The following TENM4 variants were observed in gnomAD, a reference collection of about 807,000 sequenced individuals.
TENM4 encodes teneurin transmembrane protein 4, also known as teneurin-4.
Under a neutral mutation model 243.3 loss-of-function variants are expected in TENM4, and 82 were observed. The ratio of observed to expected loss-of-function variants is 0.34; its 90% CI spans 0.28 to 0.40. The LOEUF is 0.40. Among genes scored for constraint, TENM4 ranks in the 10% least tolerant of loss-of-function variants. TENM4 has a pLI of 1.00. For synonymous variants in TENM4, 1,412 were observed against 1,456.3 expected (o/e 0.97, Z 0.69); for missense variants, 3,138 against 3,673.3 (o/e 0.85, Z 3.77).
At chr11:79,361,262 C>T (rs770965542) in intron 1 of TENM4, among the ~76,000 whole-genome samples, 2 of 152,172 alleles carry the variant, frequency 1.3e-5, no homozygotes, top group African/African-American at 2.4e-5. Flanking sequence ...ATCCTTTGTG[C>T]TTATTGCAGT....
intron 6 of TENM4, among the ~76,000 whole-genome samples, chr11:78,979,798 C>T (rs891082606): frequency 2.6e-5 from 4 of 152,130 alleles, no homozygotes; most frequent in African/African-American, 9.7e-5. Context: ...CAGGGTCTGT[C>T]CCGACTCCCT....
intron 1 of TENM4, among the ~76,000 whole-genome samples, chr11:79,424,434 T>C (rs141323038): frequency 2.7e-4 from 41 of 152,246 alleles, no homozygotes; most frequent in Non-Finnish European, 5.0e-4. Context: ...AAACCTAGTC[T>C]CTACAAAACA....
At chr11:78,698,372 G>A (rs987413509) in intron 28 of TENM4, among the ~76,000 whole-genome samples, 1 of 151,820 alleles carries the variant, frequency 6.6e-6, no homozygotes, top group African/African-American at 2.4e-5. Flanking sequence ...GGGCAACAGA[G>A]CGAGACTCCA....
intron 28 of TENM4, among the ~76,000 whole-genome samples, chr11:78,693,715 CAT>C (rs1161320185): frequency 6.6e-6 from 1 of 152,122 alleles, no homozygotes; most frequent in African/African-American, 2.4e-5. Flanking sequence ...AAAGAAAACA[CAT>C]AAAACATTCA....
intron 3 of TENM4, among the ~76,000 whole-genome samples, chr11:79,159,254 G>C (rs375780212): frequency 6.6e-6 from 1 of 152,006 alleles, no homozygotes; most frequent in African/African-American, 2.4e-5. Flanking sequence ...TAGTCTACCC[G>C]GACTGCTGTG....
chr11:79,100,788 T>C (rs1861210462), intron 4 of TENM4, among the ~76,000 whole-genome samples: 1 of 152,098 alleles, frequency 6.6e-6, no homozygotes, highest in African/African-American at 2.4e-5. Context: ...CCCCTCCCTC[T>C]CTCCTCCCAA....
intron 12 of TENM4, among the ~76,000 whole-genome samples, chr11:78,821,109 T>A (rs888346105): frequency 6.6e-6 from 1 of 152,242 alleles, no homozygotes; most frequent in Non-Finnish European, 1.5e-5. Context: ...AACATTTGAA[T>A]TGGAAGATCT....
intron 12 of TENM4, among the ~76,000 whole-genome samples, chr11:78,833,442 A>G (rs1378877666): frequency 6.6e-6 from 1 of 152,148 alleles, no homozygotes; most frequent in Non-Finnish European, 1.5e-5. Flanking sequence ...TTCTATTAAT[A>G]CCTCCACCCA....
intron 1 of TENM4, among the ~76,000 whole-genome samples, chr11:79,352,613 C>T (rs1428683529): frequency 6.6e-6 from 1 of 152,170 alleles, no homozygotes; most frequent in Non-Finnish European, 1.5e-5. Flanking sequence ...GGGACATTCC[C>T]AACAGACAGG....
At chr11:79,233,091 C>T (rs1159221355) in intron 2 of TENM4, among the ~76,000 whole-genome samples, 1 of 152,196 alleles carries the variant, frequency 6.6e-6, no homozygotes, top group African/African-American at 2.4e-5. Flanking sequence ...GCCCTGACCC[C>T]ATGCCAGCCC....
At chr11:78,847,219 C>T (rs1377437974) in intron 12 of TENM4, among the ~76,000 whole-genome samples, 1 of 152,176 alleles carries the variant, frequency 6.6e-6, no homozygotes, top group South Asian at 2.1e-4. Context: ...ATCTGTATAC[C>T]AAATGCCTTG....
rs538613376 is a variant in TENM4 at position 78,975,601 on chromosome 11, C to T, written c.494-72078G>A. On this transcript the variant is annotated intron_variant, in intron 6 of 33. Transcript: ENST00000278550. ...TACTTCCTTGGGATACACACACCCA[C>T]ACACACACACACACACATATATATA... 6.7e-4 allele frequency among the ~76,000 whole-genome samples: 77 copies of T among 115,042 alleles called. 1 individual carries two copies. Among genetic ancestry groups the T allele is most frequent in the African/African-American group, 2.8e-3 (73 of 25,710 alleles). The allele number at this position is 115,042 out of a possible 152,430, so 75.5% of individuals were successfully genotyped here.
At chr11:79,006,153 GGC>G (rs1307982245) in intron 6 of TENM4, among the ~76,000 whole-genome samples, 17 of 152,158 alleles carry the variant, frequency 1.1e-4, no homozygotes, top group Admixed American at 1.1e-3. Flanking sequence ...TGCTTTTTGA[GGC>G]AGTCATAATG....
intron 6 of TENM4, among the ~76,000 whole-genome samples, chr11:78,938,997 A>C (rs1256221974): frequency 6.6e-6 from 1 of 152,180 alleles, no homozygotes; most frequent in Non-Finnish European, 1.5e-5. Flanking sequence ...TGGTGGTAAC[A>C]CCTTTTCTTG....
chr11:78,891,610 G>C (rs1855668401), intron 7 of TENM4, among the ~76,000 whole-genome samples: 1 of 152,204 alleles, frequency 6.6e-6, no homozygotes, highest in South Asian at 2.1e-4. Flanking sequence ...ATGTGTCCGG[G>C]ACTGAGCTAG....
intron 5 of TENM4, among the ~76,000 whole-genome samples, chr11:79,067,532 T>C (rs1860294299): frequency 3.3e-5 from 5 of 152,248 alleles, no homozygotes; most frequent in Admixed American, 2.0e-4. Flanking sequence ...CTGGGCTGCA[T>C]TGATTTCCAT....
At chr11:78,955,634 T>C (rs995411159) in intron 6 of TENM4, among the ~76,000 whole-genome samples, 1 of 152,204 alleles carries the variant, frequency 6.6e-6, no homozygotes, top group Non-Finnish European at 1.5e-5. Context: ...GAAAAGGAAC[T>C]GCAAAGAGTC....
At chr11:79,128,403 T>C (rs1861925573) in intron 4 of TENM4, among the ~76,000 whole-genome samples, 3 of 152,230 alleles carry the variant, frequency 2.0e-5, no homozygotes, top group Middle Eastern at 3.4e-3. Flanking sequence ...CATTCCATCA[T>C]CAAAAGGAAA....
chr11:79,204,886 A>G (rs1197202549), intron 3 of TENM4, among the ~76,000 whole-genome samples: 3 of 152,220 alleles, frequency 2.0e-5, no homozygotes, highest in African/African-American at 7.2e-5. Context: ...CAGTCACACA[A>G]CGGGTTATAC....
Sources: gnomAD v4.1 joint callset for allele counts (sites outside exome capture counted in the v4.1 genomes callset) on GRCh38, gnomAD v4.1.1 for gene constraint, MANE v1.5 for transcripts, NCBI Gene and HGNC (gene_info 2026-07-23, HGNC 2026-07-21) for gene names.